BCAS3: variants seen among roughly 807,000 people sequenced by gnomAD.
The protein encoded by BCAS3 is BCAS4/BCAS3 fusion.
A neutral mutation model predicts 116.1 loss-of-function variants in BCAS3; 53 were observed. The ratio of observed to expected loss-of-function variants is 0.46; its 90% CI spans 0.37 to 0.57. The LOEUF (loss-of-function observed/expected upper bound fraction) is 0.57, where lower values mean the gene tolerates loss of function less well. Among genes scored for constraint, BCAS3 ranks in the 20% least tolerant of loss-of-function variants. BCAS3 has a pLI of 0.00. For missense variants in BCAS3, 917 were observed against 1,165.4 expected (o/e 0.79, Z 3.10); for synonymous variants, 391 against 408.2 (o/e 0.96, Z 0.51).
intron 5 of BCAS3, among the ~76,000 whole-genome samples, chr17:60,717,048 G>A (rs1370408423): frequency 6.6e-6 from 1 of 152,068 alleles, no homozygotes; most frequent in African/African-American, 2.4e-5. Flanking sequence ...TTGTTGCTGT[G>A]GGTTGCTCTT....
At chr17:61,101,745 T>A (rs577474336) in intron 22 of BCAS3, among the ~76,000 whole-genome samples, 3 of 152,306 alleles carry the variant, frequency 2.0e-5, no homozygotes, top group South Asian at 2.1e-4. Flanking sequence ...CTGGTTTGTT[T>A]TGTGTGATGT....
rs867822617 is a variant in BCAS3, at chr17:61,334,673, A to G, written c.2426-33654A>G. 6.4e-4 allele frequency among the ~76,000 whole-genome samples: 95 copies of G among 149,310 alleles called. 1 individual carries two copies. The South Asian group carries it at 0.02, about 31-fold the overall frequency. ...CAGCAAAACTCCATCTCAAAAAAAA[A>G]AAAAAAAAAAAAAAAACACCAAGAA... On this transcript the variant is annotated intron_variant, in intron 22 of 23. Coordinates refer to ENST00000407086, the MANE Select transcript of BCAS3 (RefSeq NM_017679.5).
At chr17:61,025,249 G>A (rs997444986) in intron 16 of BCAS3, among the ~76,000 whole-genome samples, 1 of 151,916 alleles carries the variant, frequency 6.6e-6, no homozygotes, top group African/African-American at 2.4e-5. Flanking sequence ...GAGGTAATTA[G>A]TCATGAAATC....
At position 61,156,918 on chromosome 17, in the gene BCAS3, T is replaced by TA. The variant is rs564376229; in HGVS notation, c.2425+72362dup. ...ATTATTTTTCCTTTGAAACAACACT[T>TA]AAAAAAAACAAATTCTACAACATTT... is the stretch of plus-strand genomic sequence containing the variant. On this transcript the variant is annotated intron_variant, in intron 22 of 23. Transcript: ENST00000407086. This position sits in a 1 kb window ranked among gnomAD's most constrained non-coding sequence, Gnocchi z 4.7. 5.6e-4 allele frequency among the ~76,000 whole-genome samples: 85 copies of TA among 151,956 alleles called. 3 individuals are homozygous for TA. In the South Asian group the frequency reaches 0.013, roughly 22 times the overall value.
At chr17:60,871,775 C>T (rs904215991) in intron 8 of BCAS3, among the ~76,000 whole-genome samples, 14 of 151,712 alleles carry the variant, frequency 9.2e-5, no homozygotes, top group Non-Finnish European at 1.9e-4. Flanking sequence ...TTTATATATT[C>T]CTGGATTTAA....
intron 6 of BCAS3, among the ~76,000 whole-genome samples, chr17:60,781,330 G>A (rs1165456985): frequency 6.6e-6 from 1 of 151,586 alleles, no homozygotes; most frequent in African/African-American, 2.4e-5. Flanking sequence ...TGGCCATGGT[G>A]GTTCACACCT....
rs137994536 is a variant in BCAS3, at chr17:61,281,700, A to G, written c.2426-86627A>G. ...TCATATTGATTTGGAGGAGCTTTCT[A>G]TATACTAAGCAAATTAGCACTCTAT... On this transcript the variant is annotated intron_variant, in intron 22 of 23. Transcript: ENST00000407086. The surrounding 1 kb of genome is among the most constrained non-coding windows in gnomAD (Gnocchi z 4.2). Among the ~76,000 whole-genome samples the G allele has an allele frequency of 3.9e-5, 6 of 152,206 alleles. No homozygotes were observed. The highest frequency in any genetic ancestry group is 9.6e-5 in the African/African-American group (4 of 41,560).
At chr17:60,734,059 CA>C (rs34046324) in intron 5 of BCAS3, among the ~76,000 whole-genome samples, 1 of 151,936 alleles carries the variant, frequency 6.6e-6, no homozygotes, top group East Asian at 1.9e-4. Flanking sequence ...ATTGGTGTAT[CA>C]AAAAAGTCAT....
At position 61,365,892 on chromosome 17, in the gene BCAS3, C is replaced by T. The variant is rs539007464; in HGVS notation, c.2426-2435C>T. Among the ~76,000 whole-genome samples the T allele has an allele frequency of 6.6e-6, 1 of 152,088 alleles. No homozygotes were observed. The highest frequency in any genetic ancestry group is 2.1e-4 in the South Asian group (1 of 4,822). On this transcript the variant is annotated intron_variant, in intron 22 of 23. Transcript: ENST00000407086. The surrounding 1 kb of genome is among the most constrained non-coding windows in gnomAD (Gnocchi z 4.6). The stretch of plus-strand genomic sequence containing the variant: ...GTGCGGTGGCTCACACCTGGAATCC[C>T]AGCACTTTGGGAGGCCAAGACAGGT...
At chr17:60,699,862 C>CA (rs34153475) in intron 4 of BCAS3, among the ~76,000 whole-genome samples, 1,687 of 68,290 alleles carry the variant, frequency 0.025, 22 homozygotes, top group South Asian at 0.1. Context: ...GACTCCGTCT[C>CA]AAAAAAAAAA....
chr17:61,373,731 C>CCCCA (rs764640285), intron 23 of BCAS3, among the ~76,000 whole-genome samples: 52 of 147,830 alleles, frequency 3.5e-4, no homozygotes, highest in Middle Eastern at 3.8e-3. Flanking sequence ...GATGCCCAGC[C>CCCCA]CCTGTTTAAA....
rs1473648206 is a variant in BCAS3 at position 61,248,551 on chromosome 17, A to C, written c.2426-119776A>C. On this transcript the variant is annotated intron_variant, in intron 22 of 23. Coordinates refer to ENST00000407086, the MANE Select transcript of BCAS3 (RefSeq NM_017679.5). The surrounding 1 kb of genome is among the most constrained non-coding windows in gnomAD (Gnocchi z 4.3). ...GGTAATATACAAGATTAGAGTGCAA[A>C]GTCCATCTGGTGAGAATTTGTCTGG... 6.6e-6 allele frequency among the ~76,000 whole-genome samples: 1 copy of C among 152,190 alleles called. No individual in the cohort carries two copies. Among genetic ancestry groups the C allele is most frequent in the Non-Finnish European group, 1.5e-5 (1 of 68,038 alleles).
At chr17:60,807,871 T>C (rs1167382247) in intron 6 of BCAS3, 133 bp from the exon 7 acceptor site, 4 of 592,230 alleles carry the variant, frequency 6.8e-6, no homozygotes, top group Non-Finnish European at 1.2e-5. Context: ...TTCTTCTTTT[T>C]ATTCAATTGT....
chr17:61,245,811 A>G (rs2047894108), intron 22 of BCAS3, among the ~76,000 whole-genome samples: 1 of 118,880 alleles, frequency 8.4e-6, no homozygotes, highest in Non-Finnish European at 2.0e-5. Context: ...TCATTGAAAG[A>G]AAAAAAAAGA....
In BCAS3 at chr17:61,366,268, T is replaced by A. The variant is rs769688366; in HGVS notation, c.2426-2059T>A. ...GATGCTTTAGCACTGTAGCACTAGATCTTGTCAAATAAGGTCTAGTGGGGG... is the reference window on the plus strand; with the variant it reads ...GATGCTTTAGCACTGTAGCACTAGAACTTGTCAAATAAGGTCTAGTGGGGG... On this transcript the variant is annotated intron_variant, in intron 22 of 23. Transcript: ENST00000407086. The surrounding 1 kb of genome is among the most constrained non-coding windows in gnomAD (Gnocchi z 4.5). Among the ~76,000 whole-genome samples the A allele has an allele frequency of 6.6e-6, 1 of 152,144 alleles. No individual in the cohort carries two copies. The highest frequency in any genetic ancestry group is 6.5e-5 in the Admixed American group (1 of 15,278).
At chr17:61,238,740 C>T (rs181376492) in intron 22 of BCAS3, among the ~76,000 whole-genome samples, 10 of 152,198 alleles carry the variant, frequency 6.6e-5, no homozygotes, top group African/African-American at 2.4e-4. Context: ...CCTCTGCTGA[C>T]CCTGCTGCTG....
At position 61,391,862 on chromosome 17, in the gene BCAS3, G is replaced by A; in HGVS notation, c.2594-115G>A. 2 of 1,159,698 alleles carry A rather than the reference G, an allele frequency of 1.7e-6. No homozygotes were observed. The highest frequency in any genetic ancestry group is 2.4e-6 in the Non-Finnish European group (2 of 818,602). The allele number at this position is 1,159,698 out of a possible 1,614,324, so 71.8% of individuals were successfully genotyped here. A position where few individuals can be genotyped will look rare whatever the true frequency, so the allele number is the denominator to read the frequency against. The stretch of plus-strand genomic sequence containing the variant: ...GGGAGCAGGCGGGGATCCCCCTGCG[G>A]AAGGACACAAGTGAACCCAGAATGG... On this transcript the variant is annotated intron_variant, in intron 23 of 23. Coordinates refer to ENST00000407086, the MANE Select transcript of BCAS3 (RefSeq NM_017679.5). This position sits in a 1 kb window ranked among gnomAD's most constrained non-coding sequence, Gnocchi z 7.7.
At position 61,082,209 on chromosome 17, in the gene BCAS3, A is replaced by T. The variant is rs2072682839; in HGVS notation, c.2328-2258A>T. ...ATTAGCTCCTCAGAAATTGGTTATCATTTATTTTATTTTATTTAACTGAGA... is the reference window on the plus strand; with the variant it reads ...ATTAGCTCCTCAGAAATTGGTTATCTTTTATTTTATTTTATTTAACTGAGA... On this transcript the variant is annotated intron_variant, in intron 21 of 23. Coordinates refer to ENST00000407086, the MANE Select transcript of BCAS3 (RefSeq NM_017679.5). The surrounding 1 kb of genome is among the most constrained non-coding windows in gnomAD (Gnocchi z 5.1). 6.6e-6 allele frequency among the ~76,000 whole-genome samples: 1 copy of T among 152,204 alleles called. No homozygotes were observed. The highest frequency in any genetic ancestry group is 2.4e-5 in the African/African-American group (1 of 41,464).
intron 22 of BCAS3, among the ~76,000 whole-genome samples, chr17:61,321,627 C>T (rs765458266): frequency 1.6e-4 from 25 of 152,308 alleles, no homozygotes; most frequent in Non-Finnish European, 3.4e-4. Flanking sequence ...GGGAACCTTG[C>T]TTTGTTGACT....
Sources: allele counts gnomAD v4.1 joint callset (sites outside exome capture counted in the v4.1 genomes callset), GRCh38; gene constraint gnomAD v4.1.1; non-coding constraint Gnocchi (gnomAD v3.1); transcripts MANE v1.5; gene names NCBI Gene and HGNC (gene_info 2026-07-23, HGNC 2026-07-21).